Variants in CDH18 observed in about 807,000 individuals in gnomAD.
CDH18 encodes the protein cadherin-18.
In CDH18, 31 loss-of-function variants were observed where a neutral mutation model predicts 67.9. That is an observed-to-expected ratio of 0.46 (90% confidence interval 0.34 to 0.62). The LOEUF (loss-of-function observed/expected upper bound fraction) is 0.62. Ranked by LOEUF, CDH18 falls within the 20% of genes least tolerant of loss-of-function variation. The pLI is 0.01. For missense variants in CDH18, 890 were observed against 975.5 expected, an observed-to-expected ratio of 0.91 and a Z score of 1.17; for synonymous variants, 362 against 347.2, an observed-to-expected ratio of 1.04 and a Z score of -0.48.
At chr5:19,845,274 T>C (rs931309643) in intron 2 of CDH18, among the ~76,000 whole-genome samples, 5 of 152,160 alleles carry the variant, frequency 3.3e-5, no homozygotes, top group African/African-American at 9.6e-5. Context: ...TTTGACCCAT[T>C]GGTTGTTCAA....
intron 1 of CDH18, among the ~76,000 whole-genome samples, chr5:20,349,958 C>A (rs1253457754): frequency 6.6e-6 from 1 of 152,056 alleles, no homozygotes; most frequent in Non-Finnish European, 1.5e-5. Flanking sequence ...TCACAGTTGG[C>A]CAAGGTCAAG....
chr5:20,235,274 C>T lies in CDH18; in HGVS notation c.-518+20170G>A, dbSNP rs144819923. Among the ~76,000 whole-genome samples, 860 of 152,142 alleles carry T rather than the reference C, an allele frequency of 5.7e-3. 9 individuals are homozygous for T. The highest frequency in any genetic ancestry group is 0.019 in the African/African-American group (804 of 41,530). Reference sequence around the variant, plus strand: ...CAATTGCAACAAAACCAAAAGTTGACAGCTTGGACCTAATTAAACCAAAGA... The same window carrying T: ...CAATTGCAACAAAACCAAAAGTTGATAGCTTGGACCTAATTAAACCAAAGA... On this transcript the variant is annotated intron_variant, in intron 2 of 14. Transcript: ENST00000507958.
chr5:20,011,136 C>A (rs981339219), intron 2 of CDH18, among the ~76,000 whole-genome samples: 1 of 152,122 alleles, frequency 6.6e-6, no homozygotes, highest in Non-Finnish European at 1.5e-5. Flanking sequence ...TTCATTGGAA[C>A]AGTGGTTTGT....
At chr5:20,182,747 G>A (rs1220676398) in intron 2 of CDH18, among the ~76,000 whole-genome samples, 1 of 151,714 alleles carries the variant, frequency 6.6e-6, no homozygotes, top group Non-Finnish European at 1.5e-5. Context: ...TGAGGACTTA[G>A]CAAGAAGGCC....
At position 19,666,233 on chromosome 5, in the gene CDH18, GATTTTT is replaced by G. The variant is rs1193610105; in HGVS notation, c.644-53638_644-53633del. 3.4e-3 allele frequency among the ~76,000 whole-genome samples: 412 copies of G among 122,272 alleles called. 2 individuals are homozygous for G. The highest frequency in any genetic ancestry group is 0.011 in the African/African-American group (388 of 34,972). The allele number at this position is 122,272 out of a possible 152,430, so 80.2% of individuals were successfully genotyped here. On this transcript the variant is annotated intron_variant, in intron 5 of 12. Coordinates refer to ENST00000382275, the MANE Select transcript of CDH18 (RefSeq NM_004934.5). Reference sequence around the variant, plus strand: ...CACAGTCATGTCCCCACGCCTGTATGATTTTTATTATTATTATTATTATTATTATTA... The same window carrying G: ...CACAGTCATGTCCCCACGCCTGTATGATTATTATTATTATTATTATTATTA...
intron 7 of CDH18, among the ~76,000 whole-genome samples, chr5:19,587,427 T>C (rs1178711241): frequency 6.6e-6 from 1 of 152,176 alleles, no homozygotes; most frequent in Non-Finnish European, 1.5e-5. Context: ...GTTTTGGGTT[T>C]TACATTTAAG....
At chr5:20,419,519 A>G (rs1452355944) in intron 1 of CDH18, among the ~76,000 whole-genome samples, 5 of 120,880 alleles carry the variant, frequency 4.1e-5, no homozygotes, top group Non-Finnish European at 8.0e-5. Context: ...TCTGTCGCCC[A>G]GGCTGGAGTG....
At chr5:20,486,698 T>TATAC (rs1241021314) in intron 1 of CDH18, among the ~76,000 whole-genome samples, 1 of 150,426 alleles carries the variant, frequency 6.6e-6, no homozygotes, top group African/African-American at 2.4e-5. Context: ...TATATATATA[T>TATAC]ACATATATGT....
intron 5 of CDH18, among the ~76,000 whole-genome samples, chr5:19,671,015 T>C (rs1016545432): frequency 6.6e-6 from 1 of 152,136 alleles, no homozygotes; most frequent in African/African-American, 2.4e-5. Context: ...GTTTAGTGCA[T>C]GTCATGAGTT....
chr5:20,011,357 G>C (rs945532701), intron 2 of CDH18, among the ~76,000 whole-genome samples: 1 of 152,122 alleles, frequency 6.6e-6, no homozygotes. Flanking sequence ...CTTTTGGGCT[G>C]AAACAATGGA....
intron 2 of CDH18, among the ~76,000 whole-genome samples, chr5:19,867,261 T>G (rs919314640): frequency 6.6e-6 from 1 of 152,154 alleles, no homozygotes; most frequent in Non-Finnish European, 1.5e-5. Flanking sequence ...AAAAAAGCAT[T>G]ATGTGGGACC....
chr5:20,556,845 C>T (rs1264829985), intron 1 of CDH18, among the ~76,000 whole-genome samples: 1 of 152,194 alleles, frequency 6.6e-6, no homozygotes, highest in East Asian at 1.9e-4. Flanking sequence ...ATTTTGTTCT[C>T]TTAACTATGA....
chr5:19,720,819 T>C (rs1352739549), intron 5 of CDH18, among the ~76,000 whole-genome samples: 1 of 152,170 alleles, frequency 6.6e-6, no homozygotes, highest in African/African-American at 2.4e-5. Context: ...ATTTGAGGGC[T>C]GAATAATTTA....
chr5:19,507,903 A>C (rs934856456), intron 10 of CDH18, among the ~76,000 whole-genome samples: 15 of 152,168 alleles, frequency 9.9e-5, no homozygotes, highest in Admixed American at 9.8e-4. Context: ...CTTAAAGTAT[A>C]ATTTAAAAAA....
chr5:19,677,892 G>C (rs898444490), intron 5 of CDH18, among the ~76,000 whole-genome samples: 8 of 151,776 alleles, frequency 5.3e-5, no homozygotes, highest in African/African-American at 1.9e-4. Context: ...CATGGTAAAG[G>C]GTTCAATTTG....
Position 19,571,830 on chromosome 5 carries a change from TGGCTGTGG to T in CDH18, c.1000-6_1001del. 1 of 1,606,662 alleles carries T rather than the reference TGGCTGTGG, an allele frequency of 6.2e-7. No individual in the cohort carries two copies. Among genetic ancestry groups the T allele is most frequent in the Admixed American group, 1.7e-5 (1 of 59,506 alleles). ...ATGACTTCTTTTTCTCATAGTTCAG[TGGCTGTGG>T]GGAAAAAAAATAAGATTATGACTTT... On this transcript the variant is annotated splice_acceptor_variant and splice_polypyrimidine_tract_variant and coding_sequence_variant and intron_variant, in exon 8 of 13. Transcript: ENST00000382275. LOFTEE classifies it high-confidence loss of function.
intron 1 of CDH18, among the ~76,000 whole-genome samples, chr5:20,547,313 A>T (rs1181722243): frequency 6.6e-6 from 1 of 152,114 alleles, no homozygotes; most frequent in Non-Finnish European, 1.5e-5. Flanking sequence ...CTGGAATCCC[A>T]GCACTTTGGG....
At chr5:19,797,263 A>G (rs1433181190) in intron 3 of CDH18, among the ~76,000 whole-genome samples, 1 of 151,988 alleles carries the variant, frequency 6.6e-6, no homozygotes, top group Non-Finnish European at 1.5e-5. Context: ...ACAAAATACA[A>G]TTTGGAGCAA....
At chr5:20,367,394 G>T (rs1052562142) in intron 1 of CDH18, among the ~76,000 whole-genome samples, 1 of 152,134 alleles carries the variant, frequency 6.6e-6, no homozygotes, top group Non-Finnish European at 1.5e-5. Flanking sequence ...ACTTTCGCTG[G>T]CTGGCCAGAT....
Sources: gnomAD v4.1 joint callset for allele counts (sites outside exome capture counted in the v4.1 genomes callset) on GRCh38, gnomAD v4.1.1 for gene constraint, MANE v1.5 for transcripts, NCBI Gene and HGNC (gene_info 2026-07-23, HGNC 2026-07-21) for gene names.